Variants in LMBRD1 observed in about 807,000 individuals in gnomAD.
LMBRD1 encodes lysosomal cobalamin transport escort protein LMBD1.
LMBRD1 carries 64 observed loss-of-function variants against 74.8 expected under a neutral mutation model. The ratio of observed to expected loss-of-function variants is 0.86; its 90% CI spans 0.70 to 1.05. The LOEUF is 1.05. LMBRD1 is among the 50% of genes least tolerant of loss of function. The pLI is 0.00. For missense variants in LMBRD1, 652 were observed against 645.9 expected (o/e 1.01, Z -0.10); for synonymous variants, 204 against 216.3 (o/e 0.94, Z 0.50).
chr6:69,793,758 C>T (rs1366072886), intron 1 of LMBRD1, among the ~76,000 whole-genome samples: 7 of 131,076 alleles, frequency 5.3e-5, no homozygotes, highest in Admixed American at 1.7e-4. Context: ...AAGTTTCCCT[C>T]TGTTGCCCAG....
chr6:69,702,105 A>T (rs1422786659), intron 9 of LMBRD1, 152 bp from the exon 10 acceptor site: 1 of 610,308 alleles, frequency 1.6e-6, no homozygotes, highest in Non-Finnish European at 3.0e-6. Context: ...AATTCCAGGC[A>T]TTTATACCTG....
At chr6:69,774,477 C>A (rs1765644860) in intron 3 of LMBRD1, among the ~76,000 whole-genome samples, 1 of 152,188 alleles carries the variant, frequency 6.6e-6, no homozygotes, top group African/African-American at 2.4e-5. Flanking sequence ...AGTTTTAATT[C>A]ATTTACCCCC....
intron 5 of LMBRD1, among the ~76,000 whole-genome samples, chr6:69,745,479 C>T (rs895785035): frequency 1.1e-4 from 17 of 151,222 alleles, no homozygotes; most frequent in African/African-American, 3.9e-4. Context: ...AGGATGGTCT[C>T]GATCTCCTGA....
intron 8 of LMBRD1, among the ~76,000 whole-genome samples, chr6:69,714,396 C>T (rs1219363310): frequency 6.6e-6 from 1 of 152,038 alleles, no homozygotes; most frequent in Non-Finnish European, 1.5e-5. Context: ...TAATTTCCAT[C>T]TATTTTTACG....
intron 14 of LMBRD1, among the ~76,000 whole-genome samples, chr6:69,680,386 A>C (rs774275505): frequency 1.3e-5 from 2 of 152,216 alleles, no homozygotes; most frequent in Non-Finnish European, 2.9e-5. Flanking sequence ...AACTTGACAA[A>C]ATTAGAAATT....
In LMBRD1 at chr6:69,719,021, C is replaced by G; in HGVS notation, c.697G>C (p.Glu233Gln). Residue 233 changes from glutamate to glutamine, a missense_variant, in exon 8 of 16, where the codon GAA becomes CAA. By Grantham distance (29) the Glu-to-Gln change is conservative. This residue lies in a region of LMBRD1 where 598 missense variants were observed against 581.8 expected (regional missense o/e 1.03). Transcript: ENST00000649934. ...LIKGTRSAAY[E>Q]RLENTEDIEE... is the part of the protein sequence containing the mutation. ...ATGTCTTCAGTGTTTTCCAAACGTT[C>G]ATAAGCAGCGCTTCTAGTGCCTTTT... 1 of 1,613,172 alleles carries G rather than the reference C, an allele frequency of 6.2e-7. No individual in the cohort carries two copies. Among genetic ancestry groups the G allele is most frequent in the Non-Finnish European group, 8.5e-7 (1 of 1,179,418 alleles).
chr6:69,753,475 G>A (rs1443444158), intron 3 of LMBRD1, among the ~76,000 whole-genome samples: 2 of 152,178 alleles, frequency 1.3e-5, no homozygotes, highest in Non-Finnish European at 2.9e-5. Flanking sequence ...GGAACCCTGT[G>A]TGCTGCTGGT....
At chr6:69,756,093 G>A (rs1349095750) in intron 3 of LMBRD1, among the ~76,000 whole-genome samples, 2 of 152,128 alleles carry the variant, frequency 1.3e-5, no homozygotes, top group African/African-American at 4.8e-5. Flanking sequence ...GGGCATGGTG[G>A]CTCACACCTG....
chr6:69,725,339 TCACACACACACACA>T lies in LMBRD1; in HGVS notation c.637-6272_637-6259del, dbSNP rs111747887. ...CCTATCGAAATAGCAATGACAATCT[TCACACACACACACA>T]CACACACACACACACACACACACAA... is the stretch of plus-strand genomic sequence containing the variant. On this transcript the variant is annotated intron_variant, in intron 7 of 15. Transcript: ENST00000649934. Among the ~76,000 whole-genome samples, 302 of 148,192 alleles carry T rather than the reference TCACACACACACACA, an allele frequency of 2.0e-3. 5 individuals are homozygous for T. Among genetic ancestry groups the T allele is most frequent in the South Asian group, 0.011 (53 of 4,616 alleles).
At chr6:69,717,744 C>T (rs900004721) in intron 8 of LMBRD1, among the ~76,000 whole-genome samples, 1 of 152,174 alleles carries the variant, frequency 6.6e-6, no homozygotes, top group African/African-American at 2.4e-5. Context: ...TCCAGATAGG[C>T]TGGAGTGCAG....
intron 3 of LMBRD1, among the ~76,000 whole-genome samples, chr6:69,761,292 A>C (rs918983707): frequency 6.6e-6 from 1 of 152,182 alleles, no homozygotes; most frequent in African/African-American, 2.4e-5. Context: ...ATTTATTCCA[A>C]GGTTTACACT....
In LMBRD1 at chr6:69,674,106, T is replaced by C. The variant is rs1343167401; in HGVS notation, c.*2052A>G. On this transcript the variant is annotated 3_prime_UTR_variant, in exon 16 of 16. Transcript: ENST00000649934. ...CACTGGATTCTCCTGAGGCCTCTCC[T>C]GTTGGCTTGCAGACCACTGCCTTCT... Among the ~76,000 whole-genome samples, 1 of 152,204 alleles carries C rather than the reference T, an allele frequency of 6.6e-6. No individual in the cohort carries two copies. The highest frequency in any genetic ancestry group is 2.4e-5 in the African/African-American group (1 of 41,452).
chr6:69,690,061 AT>A (rs11365730), intron 14 of LMBRD1, among the ~76,000 whole-genome samples: 105,225 of 147,854 alleles, frequency 0.71, 39,057 homozygotes, highest in Middle Eastern at 0.85. Flanking sequence ...TCATTCATTC[AT>A]TTTTTTTTTT....
At chr6:69,782,697 AAGAG>A (rs1554244253) in intron 2 of LMBRD1, among the ~76,000 whole-genome samples, 1 of 151,474 alleles carries the variant, frequency 6.6e-6, no homozygotes, top group Non-Finnish European at 1.5e-5. Context: ...CAAAAAAAAA[AAGAG>A]AGAGAGAGAG....
intron 9 of LMBRD1, among the ~76,000 whole-genome samples, chr6:69,709,985 AG>A (rs1424745616): frequency 6.6e-6 from 1 of 152,196 alleles, no homozygotes; most frequent in Non-Finnish European, 1.5e-5. Context: ...TAGATATCCT[AG>A]TGGATGTTTT....
chr6:69,761,762 C>CA (rs1479505786), intron 3 of LMBRD1, among the ~76,000 whole-genome samples: 1 of 150,320 alleles, frequency 6.7e-6, no homozygotes. Flanking sequence ...TCCATTACTC[C>CA]AAAAAAAGTT....
intron 14 of LMBRD1, 145 bp from the exon 15 acceptor site, chr6:69,676,686 C>T: frequency 1.4e-6 from 1 of 722,010 alleles, no homozygotes; most frequent in South Asian, 1.5e-5. Context: ...AAACTTAGGT[C>T]TCTCTCCAAA....
chr6:69,761,351 G>A (rs1765369189), intron 3 of LMBRD1, among the ~76,000 whole-genome samples: 1 of 152,002 alleles, frequency 6.6e-6, no homozygotes, highest in Admixed American at 6.6e-5. Context: ...AAAATGGTCA[G>A]ACAAAAGGCT....
chr6:69,747,557 T>C (rs1314693270), intron 5 of LMBRD1, among the ~76,000 whole-genome samples: 1 of 152,192 alleles, frequency 6.6e-6, no homozygotes, highest in Admixed American at 6.5e-5. Context: ...AAATATTACT[T>C]CCTCTTAGAT....
Sources: allele counts gnomAD v4.1 joint callset (sites outside exome capture counted in the v4.1 genomes callset), GRCh38; gene constraint gnomAD v4.1.1; regional missense constraint gnomAD v4.1.1; transcripts MANE v1.5; gene names NCBI Gene and HGNC (gene_info 2026-07-23, HGNC 2026-07-21).